Variants in EPHA7 observed in about 807,000 individuals in gnomAD.
EPHA7 encodes the protein EPH receptor A7.
A neutral mutation model predicts 112.6 loss-of-function variants in EPHA7; 25 were observed. That is an observed-to-expected ratio of 0.22 (90% CI 0.16 to 0.31). The LOEUF is 0.31. EPHA7 is among the 10% of genes least tolerant of loss of function. The pLI is 1.00. For synonymous variants in EPHA7, 437 were observed against 406.5 expected (o/e 1.07, Z -0.90); for missense variants, 962 against 1,212.6 (o/e 0.79, Z 3.07).
chr6:93,300,146 G>C (rs1304552347), intron 5 of EPHA7, among the ~76,000 whole-genome samples: 1 of 152,028 alleles, frequency 6.6e-6, no homozygotes, highest in Admixed American at 6.6e-5. Flanking sequence ...AAAAAAGATA[G>C]GTATAGTGAT....
At chr6:93,394,658 T>C (rs993268350) in intron 3 of EPHA7, among the ~76,000 whole-genome samples, 90 of 151,886 alleles carry the variant, frequency 5.9e-4, no homozygotes, top group Non-Finnish European at 1.0e-3. Flanking sequence ...CTTTAATAAG[T>C]ACAAATAAAC....
intron 5 of EPHA7, among the ~76,000 whole-genome samples, chr6:93,336,600 A>G (rs1774886827): frequency 6.6e-6 from 1 of 151,912 alleles, no homozygotes; most frequent in Non-Finnish European, 1.5e-5. Flanking sequence ...ACGGGGTTTC[A>G]CTGTGTTAGC....
At chr6:93,373,934 T>C (rs563404765) in intron 3 of EPHA7, among the ~76,000 whole-genome samples, 184 of 152,194 alleles carry the variant, frequency 1.2e-3, no homozygotes, top group African/African-American at 4.4e-3. Context: ...TCATGTTTCA[T>C]AAATACATCA....
intron 5 of EPHA7, among the ~76,000 whole-genome samples, chr6:93,337,970 G>A (rs987143444): frequency 1.1e-4 from 16 of 151,982 alleles, no homozygotes; most frequent in African/African-American, 3.9e-4. Flanking sequence ...GAGGAAAAGA[G>A]GGAAGGAGAC....
At chr6:93,362,044 G>T (rs1237237856) in intron 3 of EPHA7, among the ~76,000 whole-genome samples, 1 of 152,046 alleles carries the variant, frequency 6.6e-6, no homozygotes, top group Non-Finnish European at 1.5e-5. Context: ...TTTAATAACA[G>T]TATTTTTACA....
At chr6:93,268,827 T>C (rs1380882323) in intron 7 of EPHA7, among the ~76,000 whole-genome samples, 1 of 151,830 alleles carries the variant, frequency 6.6e-6, no homozygotes, top group African/African-American at 2.4e-5. Context: ...GCTTCAAAGA[T>C]ACTGGTTATA....
chr6:93,258,880 C>T (rs976515617), intron 10 of EPHA7, among the ~76,000 whole-genome samples: 1 of 151,500 alleles, frequency 6.6e-6, no homozygotes, highest in African/African-American at 2.4e-5. Context: ...AAAATACATA[C>T]ATATAGAAAA....
chr6:93,411,528 C>A lies in EPHA7; in HGVS notation c.163-358G>T, dbSNP rs1778976762. Among the ~76,000 whole-genome samples the A allele has an allele frequency of 2.0e-5, 3 of 152,072 alleles. No individual in the cohort carries two copies. The South Asian group carries it at 6.2e-4, about 32-fold the overall frequency. On this transcript the variant is annotated intron_variant, in intron 2 of 16. Transcript: ENST00000369303. ...TTTAAATTATCAGTGAAAGTATATA[C>A]ATATGGATGCCTGGCAGAATTTTTG...
At chr6:93,281,144 G>C (rs533331062) in intron 5 of EPHA7, among the ~76,000 whole-genome samples, 1 of 152,140 alleles carries the variant, frequency 6.6e-6, no homozygotes, top group African/African-American at 2.4e-5. Context: ...TGTTTTATAT[G>C]CATGAGCTAG....
intron 5 of EPHA7, among the ~76,000 whole-genome samples, chr6:93,278,708 T>G (rs1458025660): frequency 2.0e-5 from 3 of 150,102 alleles, no homozygotes; most frequent in Non-Finnish European, 4.5e-5. Flanking sequence ...TTTCTTGCTG[T>G]TTTTTTTTGT....
At chr6:93,250,194 C>T (rs1254705822) in intron 14 of EPHA7, among the ~76,000 whole-genome samples, 1 of 152,022 alleles carries the variant, frequency 6.6e-6, no homozygotes, top group East Asian at 1.9e-4. Context: ...ACTCTTCGAC[C>T]TTATAGAGCA....
chr6:93,373,176 G>T (rs1776887392), intron 3 of EPHA7, among the ~76,000 whole-genome samples: 1 of 151,770 alleles, frequency 6.6e-6, no homozygotes, highest in Non-Finnish European at 1.5e-5. Flanking sequence ...GGAATTAACA[G>T]CTAGAAACCA....
At chr6:93,265,578 A>G (rs1770894695) in intron 7 of EPHA7, among the ~76,000 whole-genome samples, 1 of 151,724 alleles carries the variant, frequency 6.6e-6, no homozygotes, top group Non-Finnish European at 1.5e-5. Flanking sequence ...CAATTGTCAT[A>G]TTTTCCCAGA....
At chr6:93,418,994 G>A (rs1259475834) in intron 1 of EPHA7, among the ~76,000 whole-genome samples, 1 of 152,154 alleles carries the variant, frequency 6.6e-6, no homozygotes. Context: ...CCTCCAGACT[G>A]CCCGCGCCAG....
intron 5 of EPHA7, among the ~76,000 whole-genome samples, chr6:93,309,965 T>C (rs1773448729): frequency 6.6e-6 from 1 of 152,214 alleles, no homozygotes; most frequent in Non-Finnish European, 1.5e-5. Flanking sequence ...AAGAGGTGGA[T>C]TTTAATCACT....
At chr6:93,259,502 G>A (rs770447656) in intron 9 of EPHA7, 23 bp from the exon 10 acceptor site, 2 of 1,609,190 alleles carry the variant, frequency 1.2e-6, no homozygotes, top group South Asian at 2.2e-5. Context: ...AAGAAAGCAT[G>A]ACTGTGATGA....
chr6:93,254,039 A>C (rs918209747), intron 14 of EPHA7, among the ~76,000 whole-genome samples: 4 of 152,062 alleles, frequency 2.6e-5, no homozygotes, highest in Admixed American at 2.6e-4. Context: ...AGTATGTTTT[A>C]TGTTTTAGCA....
At chr6:93,327,268 C>T (rs1692821593) in intron 5 of EPHA7, among the ~76,000 whole-genome samples, 3 of 151,632 alleles carry the variant, frequency 2.0e-5, no homozygotes, top group Admixed American at 1.3e-4. Flanking sequence ...GCTTTCTGAG[C>T]ATCAAATTGA....
chr6:93,407,400 G>A (rs1778771765), intron 3 of EPHA7, among the ~76,000 whole-genome samples: 1 of 151,994 alleles, frequency 6.6e-6, no homozygotes, highest in African/African-American at 2.4e-5. Context: ...GGCAAGCCTG[G>A]AGTGATTCCA....
Sources: allele counts gnomAD v4.1 joint callset (sites outside exome capture counted in the v4.1 genomes callset), GRCh38; gene constraint gnomAD v4.1.1; transcripts MANE v1.5; gene names NCBI Gene and HGNC (gene_info 2026-07-23, HGNC 2026-07-21).